CSF2RB: variants seen among roughly 807,000 people sequenced by gnomAD.
CSF2RB encodes colony stimulating factor 2 receptor subunit beta.
A neutral mutation model predicts 67.2 loss-of-function variants in CSF2RB; 22 were observed. That is an observed-to-expected ratio of 0.33 (90% CI 0.23 to 0.47). The LOEUF is 0.47. Ranked by LOEUF, CSF2RB falls within the 20% of genes least tolerant of loss-of-function variation. CSF2RB has a pLI of 1.00. For missense variants in CSF2RB, 1,113 were observed against 1,174.5 expected, an observed-to-expected ratio of 0.95 and a Z score of 0.76; for synonymous variants, 507 against 482.9, an observed-to-expected ratio of 1.05 and a Z score of -0.65.
intron 3 of CSF2RB, among the ~76,000 whole-genome samples, chr22:36,925,704 C>T (rs1284373915): frequency 1.3e-5 from 2 of 152,166 alleles, no homozygotes; most frequent in Admixed American, 6.5e-5. Flanking sequence ...CTGCTTGTCC[C>T]ATATTTCAAA....
intron 3 of CSF2RB, chr22:36,923,842 G>T: frequency 1.6e-6 from 2 of 1,219,724 alleles, no homozygotes; most frequent in Non-Finnish European, 2.2e-6. Context: ...CTGGCCACGG[G>T]GTAGACAGTG....
Position 36,938,434 on chromosome 22 carries a change from G to A in CSF2RB, c.2626G>A (p.Ala876Thr). ...PQVPVIQLFK[A>T]LKQQDYLSLP... The stretch of plus-strand genomic sequence containing the variant: ...GGTGCCCGTCATTCAGCTCTTCAAA[G>A]CCCTGAAGCAGCAGGACTACCTGTC... Residue 876 changes from alanine (A) to threonine (T), a missense_variant, in exon 14 of 14, where the codon GCC becomes ACC. Around this residue, in one of 2 missense-constraint regions of CSF2RB, gnomAD observed 554 missense variants for 517.9 expected, o/e 1.07. Transcript: ENST00000403662. 6.2e-7 allele frequency: 1 copy of A among 1,614,190 alleles called. No individual in the cohort carries two copies. The highest frequency in any genetic ancestry group is 8.5e-7 in the Non-Finnish European group (1 of 1,180,024).
intron 6 of CSF2RB, 94 bp from the exon 7 acceptor site, chr22:36,930,281 A>T: frequency 6.3e-7 from 1 of 1,578,812 alleles, no homozygotes. Context: ...CCCAGAGCTC[A>T]TGACCTCTGT....
chr22:36,932,815 A>G lies in CSF2RB; in HGVS notation c.1063A>G (p.Ser355Gly). The G allele has an allele frequency of 6.2e-7, 1 of 1,614,136 alleles. No individual in the cohort carries two copies. The highest frequency in any genetic ancestry group is 8.5e-7 in the Non-Finnish European group (1 of 1,180,030). ...LNVTKDGDSYSLRWETMKMRY... is the reference protein window; with the variant it reads ...LNVTKDGDSYGLRWETMKMRY... Reference sequence around the variant, plus strand: ...CGTGACCAAGGATGGAGACAGCTACAGCCTGCGCTGGGAAACAATGAAAAT... The same window carrying G: ...CGTGACCAAGGATGGAGACAGCTACGGCCTGCGCTGGGAAACAATGAAAAT... Residue 355 changes from serine to glycine, a missense_variant, in exon 9 of 14, where the codon AGC (serine) becomes GGC (glycine). By Grantham distance (56) the Ser-to-Gly change is moderately conservative. This residue lies in a region of CSF2RB where 559 missense variants were observed against 656.5 expected (regional missense o/e 0.85). Coordinates refer to ENST00000403662, the MANE Select transcript of CSF2RB (RefSeq NM_000395.3).
chr22:36,923,232 C>G lies in CSF2RB; in HGVS notation c.77-12C>G, dbSNP rs760174329. On this transcript the variant is annotated splice_polypyrimidine_tract_variant and intron_variant, in intron 2 of 13. Coordinates refer to ENST00000403662, the MANE Select transcript of CSF2RB (RefSeq NM_000395.3). ...GGAAAGAGAGGTGACCCCCTTCTAC[C>G]CCTCTTGTCAGAAACCATCCCGCTG... The G allele has an allele frequency of 6.2e-7, 1 of 1,614,108 alleles. No individual in the cohort carries two copies. The highest frequency in any genetic ancestry group is 8.5e-7 in the Non-Finnish European group (1 of 1,180,012).
intron 9 of CSF2RB, 98 bp downstream of exon 9, chr22:36,933,002 C>A (rs1941186803): frequency 1.4e-6 from 2 of 1,474,870 alleles, no homozygotes; most frequent in Non-Finnish European, 1.9e-6. Context: ...GGGCCCTTGG[C>A]AGGTGACCAG....
Position 36,933,939 on chromosome 22 carries a change from C to A in CSF2RB, c.1260C>A (p.Gly420=). 1 of 1,612,838 alleles carries A rather than the reference C, an allele frequency of 6.2e-7. No homozygotes were observed. Among genetic ancestry groups the A allele is most frequent in the East Asian group, 2.2e-5 (1 of 44,874 alleles). ...TGAGGGTCAGGACCTCCCGCACCGG[C>A]TACAACGGGATCTGGAGCGAGTGGA... The part of the protein sequence containing the change: ...ARVRVRTSRT[G]YNGIWSEWSE... The change falls in exon 10 of 14, where the codon GGC becomes GGA. Residue 420 remains glycine, a synonymous_variant. Coordinates refer to ENST00000403662, the MANE Select transcript of CSF2RB (RefSeq NM_000395.3).
At chr22:36,935,199 C>G in intron 10 of CSF2RB, 152 bp from the exon 11 acceptor site, 1 of 752,006 alleles carries the variant, frequency 1.3e-6, no homozygotes, top group South Asian at 1.5e-5. Context: ...GATCTGGCCT[C>G]TCTCCCCTAA....
chr22:36,928,878 G>C (rs952708201), intron 4 of CSF2RB, among the ~76,000 whole-genome samples: 1 of 152,200 alleles, frequency 6.6e-6, no homozygotes, highest in African/African-American at 2.4e-5. Flanking sequence ...TAAGGCCCTG[G>C]TGGAGGGAAT....
At chr22:36,914,063 G>A (rs1007612148) in intron 1 of CSF2RB, among the ~76,000 whole-genome samples, 3 of 152,122 alleles carry the variant, frequency 2.0e-5, no homozygotes, top group African/African-American at 7.2e-5. Flanking sequence ...GGTAGTGAGA[G>A]CACCCCCTGT....
intron 1 of CSF2RB, among the ~76,000 whole-genome samples, chr22:36,918,572 C>T (rs151072811): frequency 3.3e-4 from 50 of 152,302 alleles, no homozygotes; most frequent in South Asian, 2.9e-3. Flanking sequence ...TAGCCTCCCC[C>T]CTTGAATACA....
chr22:36,936,769 G>A (rs1941276167), intron 13 of CSF2RB, 117 bp downstream of exon 13: 1 of 873,152 alleles, frequency 1.1e-6, no homozygotes, highest in East Asian at 2.7e-5. Flanking sequence ...GGGATCCAAG[G>A]GAGCTGGTTT....
At chr22:36,930,274 A>G (rs1267230351) in intron 6 of CSF2RB, 101 bp from the exon 7 acceptor site, 6 of 1,553,222 alleles carry the variant, frequency 3.9e-6, no homozygotes, top group Non-Finnish European at 4.4e-6. Context: ...TTTTGGCCCC[A>G]GAGCTCATGA....
intron 1 of CSF2RB, among the ~76,000 whole-genome samples, chr22:36,915,050 C>CATA (rs1259078670): frequency 1.3e-5 from 2 of 152,068 alleles, no homozygotes; most frequent in Admixed American, 1.3e-4. Flanking sequence ...ATGATACAAG[C>CATA]ATATAGTTTT....
intron 1 of CSF2RB, among the ~76,000 whole-genome samples, chr22:36,920,097 A>G (rs887601755): frequency 4.6e-5 from 7 of 152,226 alleles, no homozygotes; most frequent in Non-Finnish European, 8.8e-5. Flanking sequence ...TGGAGCTTCT[A>G]GTGGTAACCT....
intron 6 of CSF2RB, among the ~76,000 whole-genome samples, chr22:36,930,019 C>G (rs1941114598): frequency 6.6e-6 from 1 of 152,234 alleles, no homozygotes; most frequent in Non-Finnish European, 1.5e-5. Flanking sequence ...CAGTTTTCTG[C>G]ACGTTCTCTG....
intron 3 of CSF2RB, among the ~76,000 whole-genome samples, chr22:36,925,693 C>G (rs114766450): frequency 6.6e-6 from 1 of 152,178 alleles, no homozygotes; most frequent in African/African-American, 2.4e-5. Context: ...CTTAGAGAAG[C>G]CTGCTTGTCC....
rs757436084 is a variant in CSF2RB, at chr22:36,930,654, G to A, written c.855-19G>A. 10 of 1,612,042 alleles carry A rather than the reference G, an allele frequency of 6.2e-6. No homozygotes were observed. In the South Asian group the frequency reaches 1.1e-4, roughly 18 times the overall value. On this transcript the variant is annotated intron_variant, in intron 7 of 13. Coordinates refer to ENST00000403662, the MANE Select transcript of CSF2RB (RefSeq NM_000395.3). Reference sequence around the variant, plus strand: ...TGTGCCCTCCCTCTCCCTGCCCTCAGCTCTGCTGTGCTCCTCAGGGAGGAA... The same window carrying A: ...TGTGCCCTCCCTCTCCCTGCCCTCAACTCTGCTGTGCTCCTCAGGGAGGAA...
Position 36,933,866 on chromosome 22 carries a change from G to A in CSF2RB, c.1187G>A (p.Ser396Asn), listed in dbSNP as rs1424092028. 6.2e-7 allele frequency: 1 copy of A among 1,610,404 alleles called. No individual in the cohort carries two copies. Among genetic ancestry groups the A allele is most frequent in the Non-Finnish European group, 8.5e-7 (1 of 1,179,884 alleles). Residue 396 changes from serine to asparagine, a missense_variant, in exon 10 of 14, where the codon AGC (serine) becomes AAC (asparagine). Ser to Asn is a conservative substitution (Grantham distance 46). Coordinates refer to ENST00000403662, the MANE Select transcript of CSF2RB (RefSeq NM_000395.3). The stretch of plus-strand genomic sequence containing the variant: ...ACCGAGACCCTCCAGAACGCCCACA[G>A]CATGGCCCTGCCAGCCCTGGAGCCC... The part of the protein sequence containing the change: ...SKTETLQNAH[S>N]MALPALEPST...
Sources: allele counts gnomAD v4.1 joint callset (sites outside exome capture counted in the v4.1 genomes callset), GRCh38; gene constraint gnomAD v4.1.1; regional missense constraint gnomAD v4.1.1; transcripts MANE v1.5; gene names NCBI Gene and HGNC (gene_info 2026-07-23, HGNC 2026-07-21).